The following KDM2A variants were observed in gnomAD, a reference collection of about 807,000 sequenced individuals.
KDM2A encodes the protein lysine-specific demethylase 2A.
In KDM2A, 3 loss-of-function variants were observed where a neutral mutation model predicts 137.3. The ratio of observed to expected loss-of-function variants is 0.02; its 90% CI spans 0.01 to 0.06. KDM2A has a LOEUF of 0.06. Ranked by LOEUF, KDM2A falls within the 10% of genes least tolerant of loss-of-function variation. KDM2A has a pLI of 1.00. For missense variants in KDM2A, 738 were observed against 1,510.6 expected, an observed-to-expected ratio of 0.49 and a Z score of 8.48; for synonymous variants, 512 against 541.5, an observed-to-expected ratio of 0.95 and a Z score of 0.76.
At chr11:67,174,018 G>C (rs898158024) in intron 2 of KDM2A, among the ~76,000 whole-genome samples, 1 of 152,160 alleles carries the variant, frequency 6.6e-6, no homozygotes, top group Non-Finnish European at 1.5e-5. Context: ...CCCACTTTGG[G>C]AGGCCACGGC....
intron 2 of KDM2A, among the ~76,000 whole-genome samples, chr11:67,156,877 G>C (rs950644105): frequency 4.7e-5 from 7 of 149,692 alleles, no homozygotes; most frequent in African/African-American, 1.7e-4. Context: ...TGCTGACAGG[G>C]TGAGACTCTC....
At chr11:67,252,023 T>C (rs1277184569) in intron 17 of KDM2A, among the ~76,000 whole-genome samples, 1 of 152,090 alleles carries the variant, frequency 6.6e-6, no homozygotes, top group Non-Finnish European at 1.5e-5. Flanking sequence ...AGCCAGCATG[T>C]TGTGGTTTGT....
intron 2 of KDM2A, among the ~76,000 whole-genome samples, chr11:67,142,275 G>T (rs1856123073): frequency 6.6e-6 from 1 of 151,680 alleles, no homozygotes; most frequent in South Asian, 2.1e-4. Flanking sequence ...GACCTCAGGT[G>T]ATCCACCCGC....
intron 5 of KDM2A, among the ~76,000 whole-genome samples, chr11:67,184,757 G>A (rs572317302): frequency 6.6e-6 from 1 of 152,214 alleles, no homozygotes; most frequent in Admixed American, 6.5e-5. Context: ...GCACATGGAC[G>A]GTCAGGCTCA....
intron 2 of KDM2A, 50 bp downstream of exon 2, chr11:67,121,408 C>G (rs1246545756): frequency 1.3e-6 from 2 of 1,562,902 alleles, no homozygotes; most frequent in Non-Finnish European, 1.8e-6. Flanking sequence ...AGTAGGATAA[C>G]TATTTTGTTT....
intron 2 of KDM2A, among the ~76,000 whole-genome samples, chr11:67,175,038 G>A (rs1362119895): frequency 6.6e-6 from 1 of 152,080 alleles, no homozygotes; most frequent in African/African-American, 2.4e-5. Context: ...TGTATTATTT[G>A]GTAATGTTGA....
In KDM2A at chr11:67,178,244, AAAAAT is replaced by A. The variant is rs548384040; in HGVS notation, c.43-1830_43-1826del. Among the ~76,000 whole-genome samples the A allele has an allele frequency of 1.2e-3, 175 of 152,170 alleles. No homozygotes were observed. The Middle Eastern group carries it at 0.02, about 18-fold the overall frequency. On this transcript the variant is annotated intron_variant, in intron 2 of 20. Coordinates refer to ENST00000529006, the MANE Select transcript of KDM2A (RefSeq NM_012308.3). ...AACATGGGAAACCCCTGTCTCTACT[AAAAAT>A]AAAAAAATCAGCTGGGTGTGGTGGT...
Position 67,250,157 on chromosome 11 carries a change from T to C in KDM2A, c.2127T>C (p.Asp709=), listed in dbSNP as rs755483626. 1 of 1,613,688 alleles carries C rather than the reference T, an allele frequency of 6.2e-7. No individual in the cohort carries two copies. The highest frequency in any genetic ancestry group is 1.7e-5 in the Admixed American group (1 of 59,966). Residue 709 remains aspartate, a synonymous_variant, in exon 17 of 21, where the codon GAT becomes GAC. Coordinates refer to ENST00000529006, the MANE Select transcript of KDM2A (RefSeq NM_012308.3). The surrounding 1 kb of genome is among the most constrained non-coding windows in gnomAD (Gnocchi z 7.1). The part of the protein sequence containing the change: ...AKVLRPLRSC[D]EPLTPPPHSP... ...TCCTGCGGCCCCTGCGGAGCTGCGA[T>C]GAGCCTCTCACGCCCCCGCCTCATT... is the stretch of plus-strand genomic sequence containing the variant.
intron 8 of KDM2A, chr11:67,217,395 C>T (rs1858199409): frequency 4.1e-6 from 1 of 246,294 alleles, no homozygotes; most frequent in Admixed American, 5.0e-5. Flanking sequence ...GATACTGTGC[C>T]TAATTAACTG....
intron 2 of KDM2A, among the ~76,000 whole-genome samples, chr11:67,171,845 CTGTAAG>C (rs1371560010): frequency 1.3e-5 from 2 of 152,228 alleles, no homozygotes; most frequent in East Asian, 3.8e-4. Context: ...AATCAATTCA[CTGTAAG>C]TGTAAGAGTT....
chr11:67,209,161 G>A (rs1419717883), intron 6 of KDM2A, among the ~76,000 whole-genome samples: 2 of 151,788 alleles, frequency 1.3e-5, no homozygotes, highest in Non-Finnish European at 2.9e-5. Context: ...TTGAACTCCT[G>A]ACCTCAAGTG....
intron 2 of KDM2A, among the ~76,000 whole-genome samples, chr11:67,169,759 C>CTCTCTTT (rs756503460): frequency 1.5e-5 from 1 of 65,694 alleles, no homozygotes; most frequent in Non-Finnish European, 2.4e-5. Context: ...CTCTCTCTCT[C>CTCTCTTT]TTTTTTTTTT....
intron 2 of KDM2A, among the ~76,000 whole-genome samples, chr11:67,167,355 A>G (rs1485022379): frequency 1.3e-5 from 2 of 152,220 alleles, no homozygotes; most frequent in Non-Finnish European, 1.5e-5. Flanking sequence ...ACCTGATGGT[A>G]TGCAGGAAGG....
intron 1 of KDM2A, among the ~76,000 whole-genome samples, chr11:67,120,731 G>T (rs114381026): frequency 6.6e-6 from 1 of 152,170 alleles, no homozygotes; most frequent in African/African-American, 2.4e-5. Context: ...CTTACAGGAG[G>T]GGTATGGGAA....
At chr11:67,240,318 G>A (rs1441105879) in intron 12 of KDM2A, 1 of 1,535,614 alleles carries the variant, frequency 6.5e-7, no homozygotes, top group Non-Finnish European at 8.7e-7. Context: ...CAAAGACGCT[G>A]GGGAAACTTC....
chr11:67,161,317 G>A (rs183597553), intron 2 of KDM2A, among the ~76,000 whole-genome samples: 7 of 152,236 alleles, frequency 4.6e-5, no homozygotes, highest in Non-Finnish European at 7.4e-5. Context: ...TTGTATCCAC[G>A]TGAAACCTTT....
rs983675845 is a variant in KDM2A at position 67,186,748 on chromosome 11, A to G, written c.307+4856A>G. ...TGTAGCCCCACATTTTATTTTGTAC[A>G]TAATTTGAGAGATCAATACATTTAA... is the stretch of plus-strand genomic sequence containing the variant. On this transcript the variant is annotated intron_variant, in intron 5 of 20. Coordinates refer to ENST00000529006, the MANE Select transcript of KDM2A (RefSeq NM_012308.3). Among the ~76,000 whole-genome samples the G allele has an allele frequency of 5.3e-5, 8 of 152,322 alleles. No homozygotes were observed. In the East Asian group the frequency reaches 1.5e-3, roughly 29 times the overall value.
intron 2 of KDM2A, among the ~76,000 whole-genome samples, chr11:67,126,345 A>C (rs1855731037): frequency 6.6e-6 from 1 of 151,902 alleles, no homozygotes; most frequent in Non-Finnish European, 1.5e-5. Context: ...GAGGCCAGGG[A>C]GGGAGGATCA....
chr11:67,222,210 G>A (rs1228813375), intron 10 of KDM2A, among the ~76,000 whole-genome samples: 8 of 107,086 alleles, frequency 7.5e-5, no homozygotes, highest in Non-Finnish European at 1.5e-4. Context: ...CCTAGGCAGA[G>A]GACCCTGCGG....
Sources: allele counts gnomAD v4.1 joint callset (sites outside exome capture counted in the v4.1 genomes callset), GRCh38; gene constraint gnomAD v4.1.1; non-coding constraint Gnocchi (gnomAD v3.1); transcripts MANE v1.5; gene names NCBI Gene and HGNC (gene_info 2026-07-23, HGNC 2026-07-21).